The following SLC24A3 variants were observed in gnomAD, a reference collection of about 807,000 sequenced individuals.
SLC24A3 encodes sodium/potassium/calcium exchanger 3.
In SLC24A3, 28 loss-of-function variants were observed where a neutral mutation model predicts 75.8. The observed-to-expected ratio is 0.37, with a 90% confidence interval of 0.27 to 0.51. The LOEUF is 0.51. Among genes scored for constraint, SLC24A3 ranks in the 20% least tolerant of loss-of-function variants. The probability of loss-of-function intolerance (pLI) is 0.94; values close to 1 mark genes in which losing one functional copy is unlikely to be tolerated. For missense variants in SLC24A3, 663 were observed against 847.8 expected (o/e 0.78, Z 2.71); for synonymous variants, 372 against 334.1 (o/e 1.11, Z -1.24).
At chr20:19,259,685 A>G (rs1403019932) in intron 1 of SLC24A3, among the ~76,000 whole-genome samples, 1 of 152,194 alleles carries the variant, frequency 6.6e-6, no homozygotes, top group Non-Finnish European at 1.5e-5. Context: ...ATATTAATGT[A>G]CCACTGAGAT....
At chr20:19,626,885 G>A (rs1023329033) in intron 6 of SLC24A3, among the ~76,000 whole-genome samples, 1 of 152,206 alleles carries the variant, frequency 6.6e-6, no homozygotes, top group Non-Finnish European at 1.5e-5. Flanking sequence ...AATATGGGCT[G>A]TCACGTAGAG....
intron 2 of SLC24A3, among the ~76,000 whole-genome samples, chr20:19,505,921 A>G (rs1201429033): frequency 6.6e-6 from 1 of 152,182 alleles, no homozygotes; most frequent in Admixed American, 6.5e-5. Context: ...TCCCCTATCC[A>G]TATTTCTCCC....
chr20:19,635,349 A>G (rs986371904), intron 6 of SLC24A3, among the ~76,000 whole-genome samples: 10 of 152,254 alleles, frequency 6.6e-5, no homozygotes, highest in Non-Finnish European at 1.2e-4. Flanking sequence ...GGGATGAGGG[A>G]CATGAATCCT....
At chr20:19,687,128 C>T (rs1045947223) in intron 12 of SLC24A3, among the ~76,000 whole-genome samples, 7 of 152,288 alleles carry the variant, frequency 4.6e-5, no homozygotes, top group Admixed American at 2.6e-4. Context: ...TCTCACAGGC[C>T]GTAATGAAGG....
At chr20:19,322,150 T>C (rs1276679345) in intron 2 of SLC24A3, among the ~76,000 whole-genome samples, 4 of 152,160 alleles carry the variant, frequency 2.6e-5, no homozygotes, top group Admixed American at 2.6e-4. Context: ...TTTGTCTATG[T>C]AAGGTGCTCC....
At chr20:19,512,491 C>G (rs1457082614) in intron 2 of SLC24A3, among the ~76,000 whole-genome samples, 1 of 152,230 alleles carries the variant, frequency 6.6e-6, no homozygotes, top group Admixed American at 6.5e-5. Flanking sequence ...AAGAAACCTC[C>G]TCCACCAGAG....
intron 2 of SLC24A3, among the ~76,000 whole-genome samples, chr20:19,439,781 C>T (rs1448430182): frequency 1.3e-5 from 2 of 152,176 alleles, no homozygotes; most frequent in African/African-American, 2.4e-5. Flanking sequence ...TGGAATGCCT[C>T]GCTGATCCGA....
At chr20:19,598,922 GCA>G (rs1023764718) in intron 6 of SLC24A3, among the ~76,000 whole-genome samples, 1 of 147,130 alleles carries the variant, frequency 6.8e-6, no homozygotes, top group African/African-American at 2.5e-5. Context: ...ACACACACAC[GCA>G]CACACACACC....
intron 3 of SLC24A3, among the ~76,000 whole-genome samples, chr20:19,535,838 T>G (rs558136177): frequency 6.6e-6 from 1 of 152,116 alleles, no homozygotes; most frequent in East Asian, 1.9e-4. Context: ...CAATAGAAAT[T>G]TGTTAATCAT....
At chr20:19,287,084 G>A (rs1983834422) in intron 2 of SLC24A3, among the ~76,000 whole-genome samples, 1 of 152,246 alleles carries the variant, frequency 6.6e-6, no homozygotes, top group African/African-American at 2.4e-5. Context: ...GGTAATAGTA[G>A]CTGCTGTAAC....
At chr20:19,495,726 C>T (rs1988275192) in intron 2 of SLC24A3, among the ~76,000 whole-genome samples, 1 of 152,232 alleles carries the variant, frequency 6.6e-6, no homozygotes, top group Admixed American at 6.5e-5. Context: ...TTCTCTAGAA[C>T]TTCCCTTTCT....
chr20:19,549,553 G>A (rs1466333725), intron 3 of SLC24A3, among the ~76,000 whole-genome samples: 1 of 152,222 alleles, frequency 6.6e-6, no homozygotes, highest in African/African-American at 2.4e-5. Context: ...GGAGGCCAAG[G>A]CGGGCGGATC....
At chr20:19,609,607 C>G (rs1023949814) in intron 6 of SLC24A3, among the ~76,000 whole-genome samples, 8 of 152,094 alleles carry the variant, frequency 5.3e-5, no homozygotes, top group African/African-American at 1.9e-4. Context: ...TGTTGTTCCC[C>G]TCCCTGTGTC....
chr20:19,480,584 T>C (rs1988036969), intron 2 of SLC24A3, among the ~76,000 whole-genome samples: 1 of 152,162 alleles, frequency 6.6e-6, no homozygotes, highest in African/African-American at 2.4e-5. Flanking sequence ...TAGACTTGGT[T>C]CCATGCCCTT....
rs144776711 is a variant in SLC24A3, at chr20:19,256,886, G to T, written c.143-24073G>T. ...AATGTTAATATTTTGGATATATCAG[G>T]TTAGGTAGAATATATTATTGAAATT... On this transcript the variant is annotated intron_variant, in intron 1 of 16. Coordinates refer to ENST00000328041, the MANE Select transcript of SLC24A3 (RefSeq NM_020689.4). Among the ~76,000 whole-genome samples, 95 of 151,988 alleles carry T rather than the reference G, an allele frequency of 6.3e-4. 1 individual carries two copies. The East Asian group carries it at 0.012, about 19-fold the overall frequency.
intron 1 of SLC24A3, among the ~76,000 whole-genome samples, chr20:19,213,947 AAAC>A (rs1981481175): frequency 6.6e-6 from 1 of 152,238 alleles, no homozygotes; most frequent in Non-Finnish European, 1.5e-5. Context: ...AAACAAAACA[AAAC>A]AAAACAAACA....
intron 2 of SLC24A3, among the ~76,000 whole-genome samples, chr20:19,306,623 T>C (rs1055585544): frequency 6.6e-6 from 1 of 152,160 alleles, no homozygotes; most frequent in Non-Finnish European, 1.5e-5. Flanking sequence ...TGCTACATGT[T>C]CTCACTTGTA....
chr20:19,671,334 T>C (rs1025732798), intron 8 of SLC24A3, among the ~76,000 whole-genome samples: 7 of 152,132 alleles, frequency 4.6e-5, no homozygotes, highest in African/African-American at 1.7e-4. Flanking sequence ...AAGGCCAGGA[T>C]TTGCAAGGAA....
At chr20:19,677,703 TTTTA>T in intron 9 of SLC24A3, among the ~76,000 whole-genome samples, 1 of 149,530 alleles carries the variant, frequency 6.7e-6, no homozygotes, top group Admixed American at 6.6e-5. Context: ...TTTTTTTTTT[TTTTA>T]ATTTTCATTT....
Sources: gnomAD v4.1 joint callset for allele counts (sites outside exome capture counted in the v4.1 genomes callset) on GRCh38, gnomAD v4.1.1 for gene constraint, MANE v1.5 for transcripts, NCBI Gene and HGNC (gene_info 2026-07-23, HGNC 2026-07-21) for gene names.